MTF2: variants seen among roughly 807,000 people sequenced by gnomAD.
MTF2 encodes the protein metal response element binding transcription factor 2.
A neutral mutation model predicts 79.5 loss-of-function variants in MTF2; 11 were observed. The ratio of observed to expected loss-of-function variants is 0.14; its 90% CI spans 0.09 to 0.23. The LOEUF is 0.23. Among genes scored for constraint, MTF2 ranks in the 10% least tolerant of loss-of-function variants. The probability of loss-of-function intolerance (pLI) is 1.00; values close to 1 mark genes in which losing one functional copy is unlikely to be tolerated. For missense variants in MTF2, 486 were observed against 711.2 expected, an observed-to-expected ratio of 0.68 and a Z score of 3.60; for synonymous variants, 208 against 232.8, an observed-to-expected ratio of 0.89 and a Z score of 0.97.
At chr1:93,129,219 G>T (rs528590195) in intron 10 of MTF2, 59 bp from the exon 11 acceptor site, 1 of 1,206,724 alleles carries the variant, frequency 8.3e-7, no homozygotes, top group Non-Finnish European at 1.1e-6. Flanking sequence ...TTAAGTTAGG[G>T]TCTACTATGT....
chr1:93,080,732 A>G (rs907647905), intron 1 of MTF2, among the ~76,000 whole-genome samples: 7 of 147,896 alleles, frequency 4.7e-5, no homozygotes, highest in South Asian at 2.1e-4. Flanking sequence ...GCTGGTTTCA[A>G]TTTCCATGGT....
chr1:93,094,812 T>C (rs1002247754), intron 1 of MTF2, among the ~76,000 whole-genome samples: 1 of 152,228 alleles, frequency 6.6e-6, no homozygotes, highest in Non-Finnish European at 1.5e-5. Context: ...CATTAGGTGT[T>C]GCAAAATGGT....
chr1:93,090,046 G>GGCTCACTGCAAGCTCCGCCTCCCGA (rs1655011446), intron 1 of MTF2, among the ~76,000 whole-genome samples: 1 of 151,916 alleles, frequency 6.6e-6, no homozygotes, highest in Non-Finnish European at 1.5e-5. Flanking sequence ...GCACGATCTC[G>GGCTCACTGCAAGCTCCGCCTCCCGA]GCTCACTGCA....
intron 9 of MTF2, among the ~76,000 whole-genome samples, chr1:93,122,264 A>T (rs1004203846): frequency 3.9e-5 from 6 of 152,220 alleles, no homozygotes; most frequent in African/African-American, 1.4e-4. Flanking sequence ...TCATATGCAG[A>T]TACATATGTA....
chr1:93,127,824 T>TG (rs1254131635), intron 10 of MTF2, among the ~76,000 whole-genome samples: 1 of 42 alleles, frequency 0.024, no homozygotes, highest in Non-Finnish European at 0.036. Flanking sequence ...TTATTTTTAC[T>TG]TTTTTTTTAA....
chr1:93,110,283 G>A lies in MTF2; in HGVS notation c.59G>A (p.Arg20Gln), dbSNP rs189234488. Reference sequence around the variant, plus strand: ...GTCCACAAGCGGTCTCCTTTACGTCGAAACCAAAAGACCCCAACATCCTTG... The same window carrying A: ...GTCCACAAGCGGTCTCCTTTACGTCAAAACCAAAAGACCCCAACATCCTTG... Reference protein sequence around the residue: ...SLVHKRSPLRRNQKTPTSLTK... With the variant: ...SLVHKRSPLRQNQKTPTSLTK... Residue 20 changes from arginine (R) to glutamine (Q), a missense_variant, in exon 2 of 15, where the codon CGA (arginine) becomes CAA (glutamine). Arg to Gln is a conservative substitution (Grantham distance 43). Transcript: ENST00000370298. 39 of 1,613,978 alleles carry A rather than the reference G, an allele frequency of 2.4e-5. No homozygotes were observed. The highest frequency in any genetic ancestry group is 1.8e-4 in the Admixed American group (11 of 59,994).
intron 1 of MTF2, among the ~76,000 whole-genome samples, chr1:93,088,174 T>C (rs752711606): frequency 3.9e-5 from 6 of 152,204 alleles, no homozygotes; most frequent in East Asian, 1.9e-4. Context: ...CGCTGAACTT[T>C]CCAGTTCATC....
chr1:93,118,537 T>C, intron 7 of MTF2, 97 bp downstream of exon 7: 1 of 789,946 alleles, frequency 1.3e-6, no homozygotes, highest in South Asian at 2.4e-5. Flanking sequence ...GTTTCAACAG[T>C]GATTTGGAAA....
chr1:93,090,667 T>G (rs1368055181), intron 1 of MTF2, among the ~76,000 whole-genome samples: 3 of 150,716 alleles, frequency 2.0e-5, no homozygotes, highest in Non-Finnish European at 4.4e-5. Flanking sequence ...TTTCCTAGTT[T>G]TTTTTTTTTT....
In MTF2 at chr1:93,079,546, C is replaced by T. The variant is rs964981631; in HGVS notation, c.5+15C>T. 1.9e-6 allele frequency: 3 copies of T among 1,613,352 alleles called. No homozygotes were observed. The highest frequency in any genetic ancestry group is 2.5e-6 in the Non-Finnish European group (3 of 1,179,904). ...GACCGAATGAGGTGAGAGACCTTGGCCTGGGAACCGACTCTTCCGGAGGAG... is the reference window on the plus strand; with the variant it reads ...GACCGAATGAGGTGAGAGACCTTGGTCTGGGAACCGACTCTTCCGGAGGAG... On this transcript the variant is annotated intron_variant, in intron 1 of 14. Transcript: ENST00000370298.
chr1:93,083,476 C>T (rs1654700457), intron 1 of MTF2, among the ~76,000 whole-genome samples: 1 of 152,118 alleles, frequency 6.6e-6, no homozygotes, highest in Non-Finnish European at 1.5e-5. Flanking sequence ...AGTTGATGGA[C>T]ATTTGGGTTG....
In MTF2 at chr1:93,101,568, GTTTTTTTTTTTTT is replaced by G. The variant is rs71586778; in HGVS notation, c.6-8645_6-8633del. On this transcript the variant is annotated intron_variant, in intron 1 of 14. Transcript: ENST00000370298. ...TGGTCTTGCCATGTTGCTCAGGCTG[GTTTTTTTTTTTTT>G]TTTTTTTTTTTTTTTTGAGACAGGG... 6.7e-4 allele frequency among the ~76,000 whole-genome samples: 17 copies of G among 25,398 alleles called. 2 individuals carry two copies. Among genetic ancestry groups the G allele is most frequent in the Non-Finnish European group, 1.1e-3 (16 of 15,120 alleles). The allele number at this position is 25,398 out of a possible 152,430, so 16.7% of individuals were successfully genotyped here.
intron 1 of MTF2, among the ~76,000 whole-genome samples, chr1:93,095,520 T>C (rs888040350): frequency 6.6e-6 from 1 of 152,044 alleles, no homozygotes; most frequent in Admixed American, 6.6e-5. Flanking sequence ...TTTGTATTTT[T>C]AGTAGAGACG....
chr1:93,083,479 T>C (rs1481344886), intron 1 of MTF2, among the ~76,000 whole-genome samples: 1 of 152,236 alleles, frequency 6.6e-6, no homozygotes, highest in Non-Finnish European at 1.5e-5. Flanking sequence ...TGATGGACAT[T>C]TGGGTTGTTC....
chr1:93,105,143 C>CAAAAAAAAAAAA (rs11372021), intron 1 of MTF2, among the ~76,000 whole-genome samples: 1 of 110,504 alleles, frequency 9.0e-6, no homozygotes, highest in African/African-American at 3.6e-5. Context: ...GACTCCGTCT[C>CAAAAAAAAAAAA]AAAAAAAAAA....
At chr1:93,098,030 A>G in intron 1 of MTF2, among the ~76,000 whole-genome samples, 1 of 152,146 alleles carries the variant, frequency 6.6e-6, no homozygotes, top group East Asian at 1.9e-4. Flanking sequence ...AAGAGTAAAT[A>G]AGACAAAGAG....
intron 1 of MTF2, among the ~76,000 whole-genome samples, chr1:93,096,942 T>G (rs923001332): frequency 6.8e-6 from 1 of 146,644 alleles, no homozygotes; most frequent in Admixed American, 6.7e-5. Flanking sequence ...TCCTGAGTAG[T>G]CGGGCCTGCA....
intron 1 of MTF2, among the ~76,000 whole-genome samples, chr1:93,095,198 T>C (rs1655237979): frequency 6.6e-6 from 1 of 152,138 alleles, no homozygotes; most frequent in Non-Finnish European, 1.5e-5. Context: ...CCACCATGCC[T>C]GAGTAATTAA....
chr1:93,115,739 C>T lies in MTF2; in HGVS notation c.632+121C>T, dbSNP rs1656223258. ...TGCATGAACACATCAGTGAAGAAAA[C>T]CAGGGGGAAAATCTATTATTTTCAT... On this transcript the variant is annotated intron_variant, in intron 6 of 14. Transcript: ENST00000370298. The T allele has an allele frequency of 5.9e-6, 4 of 680,438 alleles. No homozygotes were observed. The South Asian group carries it at 1.9e-4, about 33-fold the overall frequency. 42.2% of individuals were successfully genotyped at this position (680,438 alleles called of 1,614,324 possible). A position where few individuals can be genotyped will look rare whatever the true frequency, so the allele number is the denominator to read the frequency against.
Sources: allele counts gnomAD v4.1 joint callset (sites outside exome capture counted in the v4.1 genomes callset), GRCh38; gene constraint gnomAD v4.1.1; transcripts MANE v1.5; gene names NCBI Gene and HGNC (gene_info 2026-07-23, HGNC 2026-07-21).